CYP4F8: variants seen among roughly 807,000 people sequenced by gnomAD.
The protein encoded by CYP4F8 is cytochrome P450 4F8.
CYP4F8 carries 56 observed loss-of-function variants against 55.0 expected under a neutral mutation model. The ratio of observed to expected loss-of-function variants is 1.02; its 90% confidence interval spans 0.82 to 1.27. The LOEUF is 1.27. CYP4F8 is among the 50% of genes most tolerant of loss of function. The probability of loss-of-function intolerance (pLI) is 0.00; values close to 1 mark genes in which losing one functional copy is unlikely to be tolerated. For missense variants in CYP4F8, 680 were observed against 682.4 expected, an observed-to-expected ratio of 1.00 and a Z score of 0.04; for synonymous variants, 288 against 267.3, an observed-to-expected ratio of 1.08 and a Z score of -0.76.
In CYP4F8 at chr19:15,623,117, A is replaced by T. The variant is rs1268246171; in HGVS notation, c.660A>T (p.Glu220Asp). 3 of 1,613,972 alleles carry T rather than the reference A, an allele frequency of 1.9e-6. No homozygotes were observed. In the Admixed American group the frequency reaches 5.0e-5, roughly 27 times the overall value. ...ACTGGCCCTGCAGGAAGCCCAGTGA[A>T]TATATTACTGCGATCATGGAGCTCA... ...FDSNCQEKPS[E>D]YITAIMELSA... The change falls in exon 7 of 13, where the codon GAA (glutamate) becomes GAT (aspartate). Residue 220 changes from glutamate (E) to aspartate (D), a missense_variant. Physicochemically the swap from Glu to Asp is conservative, Grantham distance 45 (BLOSUM62 2). Coordinates refer to ENST00000612078, the MANE Select transcript of CYP4F8 (RefSeq NM_007253.4).
Position 15,629,538 on chromosome 19 carries a change from T to A in CYP4F8, c.*180T>A, listed in dbSNP as rs1972309760. On this transcript the variant is annotated 3_prime_UTR_variant, in exon 13 of 13. Coordinates refer to ENST00000612078, the MANE Select transcript of CYP4F8 (RefSeq NM_007253.4). The stretch of plus-strand genomic sequence containing the variant: ...GGCTGGGAAGAGGCGGGGAGATGTC[T>A]CTGTGCCCAAGATACTCACTGCCTC... 2 of 873,634 alleles carry A rather than the reference T, an allele frequency of 2.3e-6. No individual in the cohort carries two copies. The highest frequency in any genetic ancestry group is 5.9e-5 in the East Asian group (2 of 34,132). The allele number at this position is 873,634 out of a possible 1,614,324, so 54.1% of individuals were successfully genotyped here. A position where few individuals can be genotyped will look rare whatever the true frequency, so the allele number is the denominator to read the frequency against.
chr19:15,628,855 G>T lies in CYP4F8; in HGVS notation c.1397+12G>T. 6.3e-7 allele frequency: 1 copy of T among 1,579,632 alleles called. No individual in the cohort carries two copies. Among genetic ancestry groups the T allele is most frequent in the Non-Finnish European group, 8.6e-7 (1 of 1,164,738 alleles). ...TCGGCGGGGCCCAGGTGAGGCCAGG[G>T]GGTGTCTGAGGTGGGCATGGGCTGA... is the stretch of plus-strand genomic sequence containing the variant. On this transcript the variant is annotated intron_variant, in intron 12 of 12. Coordinates refer to ENST00000612078, the MANE Select transcript of CYP4F8 (RefSeq NM_007253.4).
chr19:15,628,485 G>A, intron 10 of CYP4F8, 46 bp from the exon 11 acceptor site: 1 of 1,613,476 alleles, frequency 6.2e-7, no homozygotes, highest in Non-Finnish European at 8.5e-7. Context: ...GGTGGTCCCA[G>A]CAGGCAGCTC....
rs374515969 is a variant in CYP4F8, at chr19:15,615,630, G to C, written c.14G>C (p.Ser5Thr). 6 of 1,613,556 alleles carry C rather than the reference G, an allele frequency of 3.7e-6. No homozygotes were observed. The African/African-American group carries it at 8.0e-5, about 22-fold the overall frequency. MSLLSLSWLGLRPVA... is the reference protein window; with the variant it reads MSLLTLSWLGLRPVA... Reference sequence around the variant, plus strand: ...CTGCCCTGCAGGATGTCGCTGCTGAGCCTGTCTTGGCTGGGCCTCAGGCCG... The same window carrying C: ...CTGCCCTGCAGGATGTCGCTGCTGACCCTGTCTTGGCTGGGCCTCAGGCCG... The change falls in exon 2 of 13, where the codon AGC becomes ACC. Residue 5 changes from serine to threonine, a missense_variant. Coordinates refer to ENST00000612078, the MANE Select transcript of CYP4F8 (RefSeq NM_007253.4).
chr19:15,619,265 T>G (rs1972162206), intron 3 of CYP4F8: 1 of 547,376 alleles, frequency 1.8e-6, no homozygotes, highest in East Asian at 3.1e-5. Context: ...ATGCTGGGTG[T>G]GCTGTACCAT....
chr19:15,628,572 C>T lies in CYP4F8; in HGVS notation c.1291C>T (p.Pro431Ser). The T allele has an allele frequency of 6.2e-7, 1 of 1,613,926 alleles. No homozygotes were observed. Among genetic ancestry groups the T allele is most frequent in the Non-Finnish European group, 8.5e-7 (1 of 1,179,862 alleles). ...CAACATCTTCGCAATCCATCACAAC[C>T]CCTCAGTCTGGCCAGACCCTGAGGT... Reference protein sequence around the residue: ...NINIFAIHHNPSVWPDPEVYD... With the variant: ...NINIFAIHHNSSVWPDPEVYD... Residue 431 changes from proline (P) to serine (S), a missense_variant, in exon 11 of 13, where the codon CCC becomes TCC. Coordinates refer to ENST00000612078, the MANE Select transcript of CYP4F8 (RefSeq NM_007253.4).
intron 9 of CYP4F8, among the ~76,000 whole-genome samples, chr19:15,625,919 A>C (rs1457134348): frequency 6.6e-6 from 1 of 152,158 alleles, no homozygotes; most frequent in Non-Finnish European, 1.5e-5. Flanking sequence ...GATACATTTT[A>C]AAATTCTATA....
intron 1 of CYP4F8, 70 bp from the exon 2 acceptor site, chr19:15,615,546 T>C (rs1972103465): frequency 6.6e-7 from 1 of 1,520,826 alleles, no homozygotes; most frequent in East Asian, 2.4e-5. Context: ...TTACCCATCA[T>C]TGGTCCTGGA....
chr19:15,618,901 A>G (rs1972157673), intron 3 of CYP4F8: 1 of 168,998 alleles, frequency 5.9e-6, no homozygotes, highest in Non-Finnish European at 1.3e-5. Flanking sequence ...TGCCCTTCCC[A>G]TCTTTGGACA....
At chr19:15,619,905 T>A in intron 5 of CYP4F8, 143 bp downstream of exon 5, 2 of 1,102,228 alleles carry the variant, frequency 1.8e-6, no homozygotes, top group Non-Finnish European at 2.5e-6. Context: ...ATGAGGCTAA[T>A]AATCCTCACT....
In CYP4F8 at chr19:15,629,904, CAT is replaced by C. The variant is rs1400030579; in HGVS notation, c.*547_*548del. 7.2e-6 allele frequency: 1 copy of C among 139,580 alleles called. No individual in the cohort carries two copies. The highest frequency in any genetic ancestry group is 2.7e-5 in the African/African-American group (1 of 37,238). 8.6% of individuals were successfully genotyped at this position (139,580 alleles called of 1,614,324 possible). On this transcript the variant is annotated 3_prime_UTR_variant, in exon 13 of 13. Coordinates refer to ENST00000612078, the MANE Select transcript of CYP4F8 (RefSeq NM_007253.4). ...GGAAGATTTTTTTTTTTTTTTGAGA[CAT>C]GGTGTCTCTCGTCGCCCAGGCCGGA...
chr19:15,622,180 C>A, intron 5 of CYP4F8, 39 bp from the exon 6 acceptor site: 1 of 1,592,800 alleles, frequency 6.3e-7, no homozygotes, highest in Non-Finnish European at 8.5e-7. Context: ...CTCAGAGGAG[C>A]CAAGGCCTGG....
intron 12 of CYP4F8, 118 bp from the exon 13 acceptor site, chr19:15,629,074 TC>T: frequency 5.7e-6 from 8 of 1,398,058 alleles, no homozygotes; most frequent in Non-Finnish European, 7.6e-6. Flanking sequence ...AGACCCAGCT[TC>T]CCCCCTGTCT....
In CYP4F8 at chr19:15,618,122, C is replaced by G; in HGVS notation, c.321C>G (p.Val107=). The G allele has an allele frequency of 6.2e-7, 1 of 1,614,130 alleles. No homozygotes were observed. The highest frequency in any genetic ancestry group is 8.5e-7 in the Non-Finnish European group (1 of 1,179,978). The change falls in exon 3 of 13, where the codon GTC becomes GTG. Residue 107 remains valine (V), a synonymous_variant. Transcript: ENST00000612078. ...TCAACTTGTGCCACCCTGACATCGT[C>G]CGATCTGTCATCAATACCTCAGGTA... The part of the protein sequence containing the change: ...PIINLCHPDI[V]RSVINTSDAI...
rs530287968 is a variant in CYP4F8, at chr19:15,621,200, C to T, written c.526-1019C>T. Among the ~76,000 whole-genome samples the T allele has an allele frequency of 5.9e-5, 9 of 152,242 alleles. No homozygotes were observed. In the South Asian group the frequency reaches 1.9e-3, roughly 32 times the overall value. Reference sequence around the variant, plus strand: ...CCAGAGGAGCCATTACCTTATACCCCAAGGCTGTTCTCTGCAAACACAATG... The same window carrying T: ...CCAGAGGAGCCATTACCTTATACCCTAAGGCTGTTCTCTGCAAACACAATG... On this transcript the variant is annotated intron_variant, in intron 5 of 12. Transcript: ENST00000612078.
At chr19:15,623,523 G>T in intron 7 of CYP4F8, 148 bp downstream of exon 7, 1 of 1,041,108 alleles carries the variant, frequency 9.6e-7, no homozygotes, top group Non-Finnish European at 1.3e-6. Context: ...AATTTTAGAG[G>T]TGATTGCATA....
At chr19:15,623,872 T>C in intron 8 of CYP4F8, 93 bp from the exon 9 acceptor site, 6 of 1,593,838 alleles carry the variant, frequency 3.8e-6, no homozygotes, top group Non-Finnish European at 5.1e-6. Flanking sequence ...CCCCCTCCCC[T>C]CAACCTTCCT....
rs376304634 is a variant in CYP4F8 at position 15,623,911 on chromosome 19, C to T, written c.986-54C>T. On this transcript the variant is annotated intron_variant, in intron 8 of 12. Coordinates refer to ENST00000612078, the MANE Select transcript of CYP4F8 (RefSeq NM_007253.4). Reference sequence around the variant, plus strand: ...AGCCTCAATGTATGGGCGCTGTCCACCCTCTGGGTGCTGAAGCAGCCCAGA... The same window carrying T: ...AGCCTCAATGTATGGGCGCTGTCCATCCTCTGGGTGCTGAAGCAGCCCAGA... 4.4e-4 allele frequency: 702 copies of T among 1,606,012 alleles called. 6 individuals are homozygous for T. The South Asian group carries it at 7.4e-3, about 17-fold the overall frequency.
At chr19:15,622,080 G>C in intron 5 of CYP4F8, 139 bp from the exon 6 acceptor site, 1 of 1,160,646 alleles carries the variant, frequency 8.6e-7, no homozygotes, top group Non-Finnish European at 1.2e-6. Flanking sequence ...TCACCCAAGC[G>C]TAGTCCTCCC....
Sources: allele counts gnomAD v4.1 joint callset (sites outside exome capture counted in the v4.1 genomes callset), GRCh38; gene constraint gnomAD v4.1.1; transcripts MANE v1.5; gene names NCBI Gene and HGNC (gene_info 2026-07-23, HGNC 2026-07-21).